PKP2: variants seen among roughly 807,000 people sequenced by gnomAD.
The protein encoded by PKP2 is plakophilin 2.
In PKP2, 73 loss-of-function variants were observed where a neutral mutation model predicts 83.4. The ratio of observed to expected loss-of-function variants is 0.88; its 90% CI spans 0.72 to 1.06. The LOEUF (loss-of-function observed/expected upper bound fraction) is 1.06, where lower values mean the gene tolerates loss of function less well. Among genes scored for constraint, PKP2 ranks in the 50% least tolerant of loss-of-function variants. The pLI is 0.00. For missense variants in PKP2, 966 were observed against 1,065.4 expected (o/e 0.91, Z 1.30); for synonymous variants, 409 against 430.4 (o/e 0.95, Z 0.62).
At chr12:32,893,089 A>G (rs2137999376) in intron 1 of PKP2, among the ~76,000 whole-genome samples, 1 of 152,352 alleles carries the variant, frequency 6.6e-6, no homozygotes, top group East Asian at 1.9e-4. Context: ...GTGATTTACA[A>G]TGAAAACCAC....
chr12:32,819,614 C>G (rs1956357237), intron 9 of PKP2, among the ~76,000 whole-genome samples: 1 of 152,124 alleles, frequency 6.6e-6, no homozygotes, highest in Non-Finnish European at 1.5e-5. Context: ...GCTGTGTAAC[C>G]TACACCATAA....
chr12:32,809,422 C>A (rs1291472760), intron 9 of PKP2, among the ~76,000 whole-genome samples: 2 of 152,228 alleles, frequency 1.3e-5, no homozygotes, highest in Non-Finnish European at 2.9e-5. Flanking sequence ...GGTAGCCACC[C>A]CTCCCACAGG....
Position 32,854,527 on chromosome 12 carries a change from A to C in PKP2, c.1171-3554T>G, listed in dbSNP as rs373102662. Among the ~76,000 whole-genome samples, 5 of 152,346 alleles carry C rather than the reference A, an allele frequency of 3.3e-5. No homozygotes were observed. In the East Asian group the frequency reaches 5.8e-4, roughly 18 times the overall value. ...ATGGTAGGTGATGAATCCTATCCACATTAGGACCAATGTCAAATATGCTGC... is the reference window on the plus strand; with the variant it reads ...ATGGTAGGTGATGAATCCTATCCACCTTAGGACCAATGTCAAATATGCTGC... On this transcript the variant is annotated intron_variant, in intron 4 of 12. Coordinates refer to ENST00000340811, the MANE Select transcript of PKP2 (RefSeq NM_001005242.3).
chr12:32,834,733 A>G (rs191725357), intron 6 of PKP2, among the ~76,000 whole-genome samples: 46 of 152,250 alleles, frequency 3.0e-4, no homozygotes, highest in African/African-American at 9.9e-4. Flanking sequence ...AGAAGAAAAG[A>G]AAGAGGAGGA....
intron 6 of PKP2, among the ~76,000 whole-genome samples, chr12:32,829,260 AT>A (rs35628018): frequency 1.0e-3 from 140 of 138,348 alleles, no homozygotes; most frequent in Admixed American, 1.4e-3. Context: ...ATTTTTTCTT[AT>A]TTTTTTTTTT....
intron 4 of PKP2, among the ~76,000 whole-genome samples, chr12:32,855,903 A>G (rs1956743428): frequency 6.6e-6 from 1 of 151,966 alleles, no homozygotes. Flanking sequence ...AGGATCTGCC[A>G]TTTTCTATGT....
chr12:32,893,449 T>C (rs1008684132), intron 1 of PKP2: 3 of 152,230 alleles, frequency 2.0e-5, no homozygotes, highest in African/African-American at 7.2e-5. Context: ...TTCAAAGAAG[T>C]TTAATTAAAC....
chr12:32,824,128 C>T lies in PKP2; in HGVS notation c.1591G>A (p.Ala531Thr), dbSNP rs1276613180. The T allele has an allele frequency of 6.2e-7, 1 of 1,613,424 alleles. No homozygotes were observed. Among genetic ancestry groups the T allele is most frequent in the Non-Finnish European group, 8.5e-7 (1 of 1,179,580 alleles). The change falls in exon 7 of 13, where the codon GCG (alanine) becomes ACG (threonine). Residue 531 changes from alanine (A) to threonine (T), a missense_variant. Ala to Thr is a moderately conservative substitution (Grantham distance 58). Coordinates refer to ENST00000340811, the MANE Select transcript of PKP2 (RefSeq NM_001005242.3). ...ATGAGTCCGTCACATCTTCTCATCGCTTTTCTCCCATCAGCGCCAGCAGAA... is the reference window on the plus strand; with the variant it reads ...ATGAGTCCGTCACATCTTCTCATCGTTTTTCTCCCATCAGCGCCAGCAGAA... ...MSSAGADGRK[A>T]MRRCDGLIDS...
intron 9 of PKP2, among the ~76,000 whole-genome samples, chr12:32,814,909 A>G (rs1956306610): frequency 6.6e-6 from 1 of 151,876 alleles, no homozygotes; most frequent in African/African-American, 2.4e-5. Flanking sequence ...TAGGCGACAG[A>G]GTGAGACTCT....
chr12:32,840,593 C>T (rs2137828632), intron 6 of PKP2, among the ~76,000 whole-genome samples: 1 of 152,260 alleles, frequency 6.6e-6, no homozygotes, highest in South Asian at 2.1e-4. Flanking sequence ...GCCACCGCAC[C>T]CAGCCAAGGG....
intron 6 of PKP2, among the ~76,000 whole-genome samples, chr12:32,826,869 T>C (rs1352694505): frequency 6.6e-6 from 1 of 152,108 alleles, no homozygotes; most frequent in Non-Finnish European, 1.5e-5. Flanking sequence ...TGACAGCAAA[T>C]TAGTGGTAAA....
chr12:32,860,688 T>G (rs1956790152), intron 4 of PKP2, among the ~76,000 whole-genome samples: 1 of 152,110 alleles, frequency 6.6e-6, no homozygotes, highest in South Asian at 2.1e-4. Flanking sequence ...ATATAACAAA[T>G]GCACACTGCA....
intron 1 of PKP2, among the ~76,000 whole-genome samples, chr12:32,883,856 G>C (rs1957007085): frequency 6.6e-6 from 1 of 152,204 alleles, no homozygotes; most frequent in African/African-American, 2.4e-5. Flanking sequence ...GAAGTGATGG[G>C]TTTCAGGACG....
rs376231586 is a variant in PKP2, at chr12:32,796,302, C to G, written c.2168-4G>C. 2.5e-4 allele frequency: 379 copies of G among 1,524,488 alleles called. No homozygotes were observed. The highest frequency in any genetic ancestry group is 3.3e-4 in the Non-Finnish European group (368 of 1,120,012). The allele number at this position is 1,524,488 out of a possible 1,614,324, so 94.4% of individuals were successfully genotyped here. ...AAATCAGGGAGAGTTTCTTTGGCTA[C>G]AAAATGAAAAAAAAAACAAAACACT... On this transcript the variant is annotated splice_region_variant and splice_polypyrimidine_tract_variant and intron_variant, in intron 10 of 12. Transcript: ENST00000340811.
In PKP2 at chr12:32,896,562, T is replaced by C; in HGVS notation, c.170A>G (p.Gln57Arg). 1 of 1,589,862 alleles carries C rather than the reference T, an allele frequency of 6.3e-7. No individual in the cohort carries two copies. Among genetic ancestry groups the C allele is most frequent in the Non-Finnish European group, 8.5e-7 (1 of 1,176,144 alleles). ...GGQTVKSLRI[Q>R]EQVQQTLARK... is the part of the protein sequence containing the mutation. ...GGCGAGGGTCTGCTGCACCTGCTCC[T>C]GGATCCGCAGGCTCTTGACTGTCTG... The change falls in exon 1 of 13, where the codon CAG becomes CGG. Residue 57 changes from glutamine to arginine, a missense_variant. Gln to Arg is a conservative substitution (Grantham distance 43, BLOSUM62 1). Coordinates refer to ENST00000340811, the MANE Select transcript of PKP2 (RefSeq NM_001005242.3).
chr12:32,860,554 T>C (rs1023489938), intron 4 of PKP2, among the ~76,000 whole-genome samples: 2 of 152,132 alleles, frequency 1.3e-5, no homozygotes, highest in Non-Finnish European at 2.9e-5. Flanking sequence ...TTAACAAATC[T>C]TAAAAGTAGA....
At chr12:32,809,424 T>C (rs535120704) in intron 9 of PKP2, among the ~76,000 whole-genome samples, 1 of 152,290 alleles carries the variant, frequency 6.6e-6, no homozygotes, top group African/African-American at 2.4e-5. Context: ...TAGCCACCCC[T>C]CCCACAGGGA....
At chr12:32,801,284 T>C (rs1481645399) in intron 10 of PKP2, among the ~76,000 whole-genome samples, 1 of 152,204 alleles carries the variant, frequency 6.6e-6, no homozygotes, top group Non-Finnish European at 1.5e-5. Flanking sequence ...ACCTTGGTGG[T>C]GTTTTAAAGA....
chr12:32,806,033 G>C (rs772745386), intron 9 of PKP2, among the ~76,000 whole-genome samples: 9 of 152,180 alleles, frequency 5.9e-5, no homozygotes, highest in Non-Finnish European at 1.3e-4. Flanking sequence ...TGCGAATGTT[G>C]AACCAACCTT....
Sources: allele counts gnomAD v4.1 joint callset (sites outside exome capture counted in the v4.1 genomes callset), GRCh38; gene constraint gnomAD v4.1.1; transcripts MANE v1.5; gene names NCBI Gene and HGNC (gene_info 2026-07-23, HGNC 2026-07-21).